Variants in TECTA observed in about 807,000 individuals in gnomAD.
The protein encoded by TECTA is tectorin alpha.
Under a neutral mutation model 216.8 loss-of-function variants are expected in TECTA, and 128 were observed. The observed-to-expected ratio is 0.59, with a 90% CI of 0.51 to 0.68. The LOEUF is 0.68. Among genes scored for constraint, TECTA ranks in the 30% least tolerant of loss-of-function variants. TECTA has a pLI of 0.00. For synonymous variants in TECTA, 1,089 were observed against 1,117.1 expected (o/e 0.97, Z 0.50); for missense variants, 2,551 against 2,786.2 (o/e 0.92, Z 1.90).
At chr11:121,116,615 G>A (rs778931828) in intron 6 of TECTA, among the ~76,000 whole-genome samples, 1 of 152,192 alleles carries the variant, frequency 6.6e-6, no homozygotes, top group African/African-American at 2.4e-5. Context: ...GCATTTTTAT[G>A]TGCCTCCGGA....
chr11:121,187,978 AGTACTCCT>A lies in TECTA; in HGVS notation c.6150_6157del (p.Tyr2050Ter), dbSNP rs879496091. ...GCAGTGTCACTCTGCGACTCAGAAA[AGTACTCCT>A]GTAAAATCGTAAGTGAGAGTGTGAA... On this transcript the variant is annotated frameshift_variant, in exon 21 of 24. Coordinates refer to ENST00000392793, the MANE Select transcript of TECTA (RefSeq NM_005422.4). LOFTEE classifies it high-confidence loss of function. 6.2e-7 allele frequency: 1 copy of A among 1,614,186 alleles called. No homozygotes were observed. The highest frequency in any genetic ancestry group is 8.5e-7 in the Non-Finnish European group (1 of 1,180,040).
At chr11:121,170,923 T>A (rs1295823335) in intron 20 of TECTA, among the ~76,000 whole-genome samples, 1 of 152,166 alleles carries the variant, frequency 6.6e-6, no homozygotes, top group Non-Finnish European at 1.5e-5. Context: ...GTGTAGAGAC[T>A]TTTTAGTTTA....
chr11:121,132,889 T>G (rs997413589), intron 10 of TECTA, among the ~76,000 whole-genome samples: 2 of 151,310 alleles, frequency 1.3e-5, no homozygotes, highest in Non-Finnish European at 3.0e-5. Context: ...ACCTGGCTAA[T>G]TTTTTTTGTG....
chr11:121,125,905 CT>C (rs1307974557), intron 8 of TECTA, 33 bp downstream of exon 8: 1 of 1,599,004 alleles, frequency 6.3e-7, no homozygotes, highest in African/African-American at 1.3e-5. Context: ...TGACAGGTCT[CT>C]CTTGTGCAGG....
intron 6 of TECTA, 110 bp from the exon 7 acceptor site, chr11:121,118,196 G>A: frequency 3.6e-6 from 5 of 1,405,360 alleles, no homozygotes; most frequent in Non-Finnish European, 4.9e-6. Flanking sequence ...CTCCCTAACA[G>A]GGTTCTTACG....
In TECTA at chr11:121,137,861, A is replaced by T; in HGVS notation, c.3382A>T (p.Thr1128Ser). ...FQTSCPLILC[T>S]TGSRPSSDSF... ...GACCAGCTGCCCACTCATCCTGTGC[A>T]CCACAGGAAGCAGGCCAAGCTCAGA... The change falls in exon 11 of 24, where the codon ACC becomes TCC. Residue 1128 changes from threonine (T) to serine (S), a missense_variant. Transcript: ENST00000392793. 1 of 1,606,262 alleles carries T rather than the reference A, an allele frequency of 6.2e-7. No homozygotes were observed. The highest frequency in any genetic ancestry group is 8.5e-7 in the Non-Finnish European group (1 of 1,173,808).
intron 12 of TECTA, among the ~76,000 whole-genome samples, chr11:121,151,030 G>C (rs1263617474): frequency 6.6e-6 from 1 of 152,040 alleles, no homozygotes; most frequent in Non-Finnish European, 1.5e-5. Context: ...TGAAAAGGCA[G>C]TTAACAAAAA....
intron 10 of TECTA, among the ~76,000 whole-genome samples, chr11:121,133,294 C>G (rs1038503736): frequency 1.3e-5 from 2 of 152,110 alleles, no homozygotes; most frequent in African/African-American, 4.8e-5. Flanking sequence ...GCCTCATTAC[C>G]CGTAAAACTT....
intron 7 of TECTA, among the ~76,000 whole-genome samples, chr11:121,122,903 GA>G (rs1946573184): frequency 6.6e-6 from 1 of 152,086 alleles, no homozygotes; most frequent in Admixed American, 6.5e-5. Flanking sequence ...GAGGCTGGAA[GA>G]GTTTTGAAGT....
intron 20 of TECTA, among the ~76,000 whole-genome samples, chr11:121,177,579 G>T (rs545091614): frequency 1.3e-5 from 2 of 152,304 alleles, no homozygotes; most frequent in African/African-American, 2.4e-5. Context: ...GTGTCAGTCT[G>T]CCCCTACTGG....
chr11:121,139,497 C>A (rs535738946), intron 11 of TECTA, among the ~76,000 whole-genome samples: 1 of 152,192 alleles, frequency 6.6e-6, no homozygotes, highest in African/African-American at 2.4e-5. Flanking sequence ...TCAAGACCAG[C>A]CTGGCCAAGA....
intron 16 of TECTA, among the ~76,000 whole-genome samples, chr11:121,163,505 C>T (rs577203110): frequency 1.2e-4 from 18 of 151,364 alleles, no homozygotes; most frequent in African/African-American, 3.2e-4. Flanking sequence ...TGCTAAATGA[C>T]GAGTTAATGG....
rs1415174563 is a variant in TECTA at position 121,128,263 on chromosome 11, A to G, written c.2286A>G (p.Gly762=). The change falls in exon 9 of 24, where the codon GGA becomes GGG. Residue 762 remains glycine, a synonymous_variant. Transcript: ENST00000392793. The part of the protein sequence containing the change: ...IDINKKKPDA[G]PAWLRGLRIL... ...TCAACAAGAAGAAGCCCGATGCAGG[A>G]CCTGCTTGGCTGCGGGGACTTCGGA... 1.3e-6 allele frequency: 2 copies of G among 1,599,884 alleles called. No individual in the cohort carries two copies. Among genetic ancestry groups the G allele is most frequent in the East Asian group, 4.5e-5 (2 of 44,882 alleles).
intron 18 of TECTA, among the ~76,000 whole-genome samples, chr11:121,167,235 G>A (rs899880044): frequency 1.6e-4 from 24 of 152,116 alleles, no homozygotes; most frequent in Non-Finnish European, 2.5e-4. Context: ...ATTCAAGACC[G>A]GCCCAGGCAA....
chr11:121,128,629 C>T (rs1015450499), intron 9 of TECTA, among the ~76,000 whole-genome samples: 3 of 152,136 alleles, frequency 2.0e-5, no homozygotes, highest in Non-Finnish European at 4.4e-5. Context: ...ATTCTAAGCC[C>T]CTTATAAGCA....
chr11:121,144,149 T>A (rs374890925), intron 11 of TECTA, among the ~76,000 whole-genome samples: 1 of 152,102 alleles, frequency 6.6e-6, no homozygotes, highest in East Asian at 1.9e-4. Context: ...TGTTCGGTGT[T>A]GCTGGTGTGC....
intron 9 of TECTA, among the ~76,000 whole-genome samples, chr11:121,129,009 A>G (rs1230486695): frequency 1.3e-5 from 2 of 152,246 alleles, no homozygotes; most frequent in East Asian, 3.8e-4. Flanking sequence ...ATTGTTGCAG[A>G]ACGGGGATGC....
chr11:121,107,828 C>G (rs568664172), intron 3 of TECTA, among the ~76,000 whole-genome samples: 4 of 152,266 alleles, frequency 2.6e-5, no homozygotes, highest in African/African-American at 9.6e-5. Context: ...ATTTACAAAT[C>G]ATGAAGAAAT....
At position 121,109,293 on chromosome 11, in the gene TECTA, C is replaced by G. The variant is rs202088899; in HGVS notation, c.281C>G (p.Ala94Gly). Reference sequence around the variant, plus strand: ...TCCTTTCCCCTGACAGATGGGAGAGCCTTCGTCGCCCCATTTTGGGCAGAT... The same window carrying G: ...TCCTTTCCCCTGACAGATGGGAGAGGCTTCGTCGCCCCATTTTGGGCAGAT... ...PESFPLTDGR[A>G]FVAPFWADVH... Residue 94 changes from alanine (A) to glycine (G), a missense_variant, in exon 4 of 24, where the codon GCC (alanine) becomes GGC (glycine). Physicochemically the swap from Ala to Gly is moderately conservative, Grantham distance 60 (BLOSUM62 0). Coordinates refer to ENST00000392793, the MANE Select transcript of TECTA (RefSeq NM_005422.4). 36 of 1,614,154 alleles carry G rather than the reference C, an allele frequency of 2.2e-5. No individual in the cohort carries two copies. The highest frequency in any genetic ancestry group is 1.5e-4 in the South Asian group (14 of 91,076).
Sources: gnomAD v4.1 joint callset for allele counts (sites outside exome capture counted in the v4.1 genomes callset) on GRCh38, gnomAD v4.1.1 for gene constraint, MANE v1.5 for transcripts, NCBI Gene and HGNC (gene_info 2026-07-23, HGNC 2026-07-21) for gene names.